Variants in MDGA2 observed in about 807,000 individuals in gnomAD.
MDGA2 encodes the protein MAM domain containing glycosylphosphatidylinositol anchor 2, also known as MAM domain-containing glycosylphosphatidylinositol anchor protein 2.
MDGA2 carries 40 observed loss-of-function variants against 117.8 expected under a neutral mutation model. That is an observed-to-expected ratio of 0.34 (90% CI 0.26 to 0.44). The LOEUF is 0.44. Ranked by LOEUF, MDGA2 falls within the 20% of genes least tolerant of loss-of-function variation. The pLI is 1.00. For missense variants in MDGA2, 1,123 were observed against 1,250.6 expected (o/e 0.90, Z 1.54); for synonymous variants, 452 against 439.0 (o/e 1.03, Z -0.37).
At chr14:47,062,354 T>G (rs748281553) in intron 6 of MDGA2, among the ~76,000 whole-genome samples, 59 of 152,094 alleles carry the variant, frequency 3.9e-4, no homozygotes, top group Non-Finnish European at 6.3e-4. Context: ...TCACAAGAGG[T>G]CAGTAGTAAT....
chr14:47,090,209 T>C (rs1372300618), intron 6 of MDGA2, among the ~76,000 whole-genome samples: 3 of 152,140 alleles, frequency 2.0e-5, no homozygotes, highest in Admixed American at 6.5e-5. Flanking sequence ...AAATCATCAC[T>C]TTTTGGAAGA....
At chr14:47,173,181 C>G (rs754655599) in intron 3 of MDGA2, among the ~76,000 whole-genome samples, 4 of 152,148 alleles carry the variant, frequency 2.6e-5, no homozygotes, top group African/African-American at 9.7e-5. Context: ...GATTGGTGTA[C>G]GTGAAAGTGA....
chr14:47,250,477 T>C (rs571795957), intron 2 of MDGA2, among the ~76,000 whole-genome samples: 10 of 152,318 alleles, frequency 6.6e-5, no homozygotes, highest in African/African-American at 2.4e-4. Flanking sequence ...CCCAATGTGA[T>C]CGTATTAGAA....
chr14:47,377,433 G>C (rs1891504322), intron 1 of MDGA2, among the ~76,000 whole-genome samples: 1 of 152,128 alleles, frequency 6.6e-6, no homozygotes, highest in Non-Finnish European at 1.5e-5. Context: ...TCCGGGAAGT[G>C]TAAGGGGTTG....
At position 47,344,803 on chromosome 14, in the gene MDGA2, AT is replaced by A. The variant is rs1184259904; in HGVS notation, c.281-43254del. On this transcript the variant is annotated intron_variant, in intron 1 of 16. Coordinates refer to ENST00000399232, the MANE Select transcript of MDGA2 (RefSeq NM_001113498.3). Reference sequence around the variant, plus strand: ...GCTGGCGAAATAGTATAATTTAACAATTTTATTACATTATCATAAAATTGCA... The same window carrying A: ...GCTGGCGAAATAGTATAATTTAACAATTTATTACATTATCATAAAATTGCA... Among the ~76,000 whole-genome samples, 10 of 152,212 alleles carry A rather than the reference AT, an allele frequency of 6.6e-5. No individual in the cohort carries two copies. The East Asian group carries it at 1.7e-3, about 26-fold the overall frequency.
At chr14:46,888,090 T>G (rs1882738765) in intron 10 of MDGA2, among the ~76,000 whole-genome samples, 1 of 151,978 alleles carries the variant, frequency 6.6e-6, no homozygotes, top group Non-Finnish European at 1.5e-5. Context: ...TAACTTCATA[T>G]GTGTATTAAA....
chr14:47,429,104 A>T (rs1301515980), intron 1 of MDGA2, among the ~76,000 whole-genome samples: 2 of 151,622 alleles, frequency 1.3e-5, no homozygotes, highest in East Asian at 2.0e-4. Context: ...GGGTGCCTGT[A>T]ATCCCAGCTA....
chr14:46,990,874 A>ACC (rs10638566), intron 8 of MDGA2, among the ~76,000 whole-genome samples: 46,010 of 119,500 alleles, frequency 0.39, 7,648 homozygotes, highest in East Asian at 0.59. Context: ...ACCCACACAC[A>ACC]CACACACACA....
chr14:47,447,300 G>A (rs10129193), intron 1 of MDGA2, among the ~76,000 whole-genome samples: 52,853 of 151,874 alleles, frequency 0.35, 9,954 homozygotes, highest in South Asian at 0.53. Context: ...CTTATCTCAC[G>A]CCTATCCCAA....
At chr14:47,009,403 A>T (rs1244011121) in intron 8 of MDGA2, among the ~76,000 whole-genome samples, 2 of 152,042 alleles carry the variant, frequency 1.3e-5, no homozygotes, top group African/African-American at 4.8e-5. Context: ...TGCAAATCAG[A>T]TTACCTGAAA....
intron 1 of MDGA2, among the ~76,000 whole-genome samples, chr14:47,540,908 T>C (rs1483046198): frequency 1.3e-5 from 2 of 152,124 alleles, no homozygotes; most frequent in Non-Finnish European, 2.9e-5. Flanking sequence ...GCCATGCACA[T>C]TAAAACACAA....
intron 1 of MDGA2, among the ~76,000 whole-genome samples, chr14:47,441,325 C>T (rs1893007098): frequency 6.6e-6 from 1 of 152,086 alleles, no homozygotes; most frequent in South Asian, 2.1e-4. Context: ...AGGGAGCAGG[C>T]AGACTGGTGA....
At chr14:47,090,681 C>T (rs1879600361) in intron 6 of MDGA2, among the ~76,000 whole-genome samples, 1 of 152,186 alleles carries the variant, frequency 6.6e-6, no homozygotes, top group Non-Finnish European at 1.5e-5. Context: ...AATAATGATA[C>T]TGTAGTTCTT....
At chr14:47,558,870 T>C (rs140508718) in intron 1 of MDGA2, among the ~76,000 whole-genome samples, 63 of 152,310 alleles carry the variant, frequency 4.1e-4, no homozygotes, top group Non-Finnish European at 1.3e-4. Context: ...TTTCTATCAT[T>C]CCTGTTTGAT....
chr14:47,019,066 T>G (rs1888190668), intron 8 of MDGA2, among the ~76,000 whole-genome samples: 1 of 152,190 alleles, frequency 6.6e-6, no homozygotes, highest in African/African-American at 2.4e-5. Flanking sequence ...ATTGACTGAA[T>G]TAACATTTAT....
chr14:47,098,950 A>C lies in MDGA2; in HGVS notation c.926-1827T>G, dbSNP rs1880143380. On this transcript the variant is annotated intron_variant, in intron 5 of 16. Transcript: ENST00000399232. ...GCTTAAGATAATTTCAAAGCTCAAA[A>C]AATAATGCATATATAACAAGATCAC... 2.0e-5 allele frequency among the ~76,000 whole-genome samples: 3 copies of C among 151,946 alleles called. 1 individual carries two copies. The South Asian group carries it at 6.2e-4, about 31-fold the overall frequency.
chr14:47,598,941 T>C (rs963242589), intron 1 of MDGA2, among the ~76,000 whole-genome samples: 4 of 152,076 alleles, frequency 2.6e-5, no homozygotes, highest in Non-Finnish European at 5.9e-5. Context: ...TGATATGAGA[T>C]ACATTGTAAG....
intron 1 of MDGA2, among the ~76,000 whole-genome samples, chr14:47,554,201 G>A (rs1020733659): frequency 6.6e-6 from 1 of 152,150 alleles, no homozygotes; most frequent in Non-Finnish European, 1.5e-5. Context: ...TTTGCCATCT[G>A]ACTGTCTCTG....
intron 1 of MDGA2, among the ~76,000 whole-genome samples, chr14:47,453,919 G>T (rs2138576355): frequency 6.6e-6 from 1 of 152,296 alleles, no homozygotes; most frequent in African/African-American, 2.4e-5. Context: ...GATGAAATAG[G>T]AAGGGGTATC....
Sources: gnomAD v4.1 joint callset for allele counts (sites outside exome capture counted in the v4.1 genomes callset) on GRCh38, gnomAD v4.1.1 for gene constraint, MANE v1.5 for transcripts, NCBI Gene and HGNC (gene_info 2026-07-23, HGNC 2026-07-21) for gene names.